Variants in ARHGEF10L observed in about 807,000 individuals in gnomAD.
ARHGEF10L encodes the protein rho guanine nucleotide exchange factor 10-like protein.
ARHGEF10L carries 69 observed loss-of-function variants against 141.2 expected under a neutral mutation model. The observed-to-expected ratio is 0.49, with a 90% CI of 0.40 to 0.60. The LOEUF (loss-of-function observed/expected upper bound fraction) is 0.60, where lower values mean the gene tolerates loss of function less well. Among genes scored for constraint, ARHGEF10L ranks in the 20% least tolerant of loss-of-function variants. ARHGEF10L has a pLI of 0.00. For missense variants in ARHGEF10L, 1,482 were observed against 1,734.3 expected (o/e 0.85, Z 2.58); for synonymous variants, 711 against 718.5 (o/e 0.99, Z 0.17).
intron 26 of ARHGEF10L, among the ~76,000 whole-genome samples, chr1:17,665,161 G>C (rs537466049): frequency 6.6e-6 from 1 of 152,328 alleles, no homozygotes; most frequent in Admixed American, 6.5e-5. Context: ...CATCCTGGGC[G>C]GGAGACTCAG....
chr1:17,525,573 C>A, the ARHGEF10L span, among the ~76,000 whole-genome samples: 987 of 152,258 alleles, frequency 6.5e-3, 11 homozygotes, highest in African/African-American at 0.022. Context: ...ATGGAAGGAT[C>A]GCCTGAGTCC....
intron 21 of ARHGEF10L, among the ~76,000 whole-genome samples, chr1:17,646,014 T>C (rs1557919227): frequency 6.6e-6 from 1 of 152,212 alleles, no homozygotes. Context: ...TACATGACTC[T>C]GTTTCCAGGG....
At chr1:17,678,563 G>T (rs2063873384) in intron 26 of ARHGEF10L, among the ~76,000 whole-genome samples, 1 of 152,190 alleles carries the variant, frequency 6.6e-6, no homozygotes, top group Non-Finnish European at 1.5e-5. Flanking sequence ...GGGATTACAG[G>T]CATGCGCCAC....
At chr1:17,599,988 G>A (rs912862220) in intron 4 of ARHGEF10L, among the ~76,000 whole-genome samples, 3 of 152,202 alleles carry the variant, frequency 2.0e-5, no homozygotes, top group African/African-American at 7.2e-5. Context: ...ACAGGCAGGA[G>A]CATTCTCGCC....
At position 17,553,753 on chromosome 1, in the gene ARHGEF10L, C is replaced by T. The variant is rs1237445697; in HGVS notation, c.-44+13803C>T. Among the ~76,000 whole-genome samples the T allele has an allele frequency of 3.3e-5, 5 of 152,260 alleles. No homozygotes were observed. The East Asian group carries it at 9.6e-4, about 29-fold the overall frequency. ...GCAGTGAGCTATGATGGCACCACTG[C>T]ACTCCAGCCTGGGCAGCAGAGTGAG... On this transcript the variant is annotated intron_variant, in intron 1 of 28. Transcript: ENST00000361221.
At chr1:17,580,730 G>A (rs1030803689) in intron 2 of ARHGEF10L, 98 bp downstream of exon 2, 7 of 1,460,286 alleles carry the variant, frequency 4.8e-6, no homozygotes, top group Non-Finnish European at 6.6e-6. Flanking sequence ...ATGGCGCCGG[G>A]TGGGAAGTCT....
chr1:17,526,733 G>A, the ARHGEF10L span, among the ~76,000 whole-genome samples: 1,524 of 152,228 alleles, frequency 0.01, 9 homozygotes, highest in Non-Finnish European at 0.018. Flanking sequence ...GCGAAACCCC[G>A]TCTCTACTGA....
intron 27 of ARHGEF10L, among the ~76,000 whole-genome samples, chr1:17,688,308 G>C (rs2064787459): frequency 1.3e-5 from 2 of 152,206 alleles, no homozygotes; most frequent in Admixed American, 1.3e-4. Flanking sequence ...TGGTGGAGGG[G>C]AATGGCGGCG....
intron 8 of ARHGEF10L, 90 bp from the exon 9 acceptor site, chr1:17,616,004 T>G: frequency 9.1e-7 from 1 of 1,093,116 alleles, no homozygotes; most frequent in South Asian, 1.3e-5. Context: ...TTCTGATCTC[T>G]GCAGGCCGAG....
In ARHGEF10L at chr1:17,553,156, C is replaced by T. The variant is rs527474284; in HGVS notation, c.-44+13206C>T. Among the ~76,000 whole-genome samples, 4 of 152,340 alleles carry T rather than the reference C, an allele frequency of 2.6e-5. No homozygotes were observed. The South Asian group carries it at 8.3e-4, about 32-fold the overall frequency. ...TCCTGGCCTTCTGCTCCTTTCACTC[C>T]TCCAGGGCCTCAGAGGGGGACTGGA... is the stretch of plus-strand genomic sequence containing the variant. On this transcript the variant is annotated intron_variant, in intron 1 of 28. Coordinates refer to ENST00000361221, the MANE Select transcript of ARHGEF10L (RefSeq NM_018125.4).
chr1:17,684,008 T>A (rs76592806), intron 26 of ARHGEF10L, among the ~76,000 whole-genome samples: 1,541 of 152,300 alleles, frequency 0.01, 37 homozygotes, highest in African/African-American at 0.035. Context: ...TCTCAGTGTG[T>A]GCATGTTTGT....
intron 1 of ARHGEF10L, among the ~76,000 whole-genome samples, chr1:17,568,603 G>T (rs568310436): frequency 1.3e-5 from 2 of 152,166 alleles, no homozygotes; most frequent in Non-Finnish European, 2.9e-5. Flanking sequence ...ATGTCGGGGG[G>T]TGCTTGAAGC....
intron 26 of ARHGEF10L, among the ~76,000 whole-genome samples, chr1:17,684,885 C>T (rs958041699): frequency 1.3e-5 from 2 of 152,180 alleles, no homozygotes; most frequent in African/African-American, 4.8e-5. Flanking sequence ...CCCTGCCTCC[C>T]TTGCTACTCG....
rs564509844 is a variant in ARHGEF10L, at chr1:17,558,115, A to T, written c.-44+18165A>T. Among the ~76,000 whole-genome samples the T allele has an allele frequency of 1.3e-5, 2 of 151,586 alleles. No homozygotes were observed. The highest frequency in any genetic ancestry group is 3.9e-4 in the East Asian group (2 of 5,170). ...CTGTCTACCCGTTTGTCCATTGTCC[A>T]TCCATCCATCCATTCACTCATCCAT... On this transcript the variant is annotated intron_variant, in intron 1 of 28. Transcript: ENST00000361221. This position sits in a 1 kb window ranked among gnomAD's most constrained non-coding sequence, Gnocchi z 4.2.
chr1:17,582,500 C>G (rs2078659825), intron 2 of ARHGEF10L, among the ~76,000 whole-genome samples: 1 of 152,232 alleles, frequency 6.6e-6, no homozygotes, highest in South Asian at 2.1e-4. Flanking sequence ...GTAGGGGATT[C>G]CCCACGCACC....
intron 4 of ARHGEF10L, among the ~76,000 whole-genome samples, chr1:17,588,880 G>GTGTGTGTGTC (rs1553181486): frequency 0.032 from 2,369 of 74,510 alleles, 141 homozygotes; most frequent in African/African-American, 0.052. Flanking sequence ...GTGTGTGTGT[G>GTGTGTGTGTC]TGTGTGTGTG....
At chr1:17,647,204 G>A (rs1350238979) in intron 21 of ARHGEF10L, among the ~76,000 whole-genome samples, 1 of 152,194 alleles carries the variant, frequency 6.6e-6, no homozygotes, top group Non-Finnish European at 1.5e-5. Flanking sequence ...TCAGTCTTGG[G>A]TGTCAGATCT....
intron 4 of ARHGEF10L, among the ~76,000 whole-genome samples, chr1:17,593,507 C>T (rs917396044): frequency 2.2e-4 from 33 of 152,096 alleles, no homozygotes; most frequent in Non-Finnish European, 2.6e-4. Context: ...GACAGGAGGG[C>T]CAGAGTCAGA....
intron 25 of ARHGEF10L, among the ~76,000 whole-genome samples, chr1:17,659,266 G>A (rs879826286): frequency 1.3e-5 from 2 of 152,178 alleles, no homozygotes; most frequent in Admixed American, 6.5e-5. Flanking sequence ...TGTGGCCAAG[G>A]AGGCCCCTGA....
Sources: allele counts gnomAD v4.1 joint callset (sites outside exome capture counted in the v4.1 genomes callset), GRCh38; gene constraint gnomAD v4.1.1; non-coding constraint Gnocchi (gnomAD v3.1); transcripts MANE v1.5; gene names NCBI Gene and HGNC (gene_info 2026-07-23, HGNC 2026-07-21).